Variants in ZMYND19 observed in about 807,000 individuals in gnomAD.
The protein encoded by ZMYND19 is zinc finger MYND domain-containing protein 19.
Under a neutral mutation model 32.0 loss-of-function variants are expected in ZMYND19, and 17 were observed. That is an observed-to-expected ratio of 0.53 (90% confidence interval 0.36 to 0.80). The LOEUF (loss-of-function observed/expected upper bound fraction) is 0.80, where lower values mean the gene tolerates loss of function less well. ZMYND19 is among the 30% of genes least tolerant of loss of function. The pLI, the probability that ZMYND19 is intolerant of heterozygous loss-of-function variation, is 0.00. For synonymous variants in ZMYND19, 124 were observed against 113.6 expected (o/e 1.09, Z -0.58); for missense variants, 250 against 293.6 (o/e 0.85, Z 1.09).
At chr9:137,587,690 G>A (rs777625596) in intron 3 of ZMYND19, 27 bp downstream of exon 3, 1 of 1,605,682 alleles carries the variant, frequency 6.2e-7, no homozygotes, top group East Asian at 2.2e-5. Context: ...CAGTGGCGGG[G>A]GGCAGAGACA....
At position 137,590,307 on chromosome 9, in the gene ZMYND19, G is replaced by C; in HGVS notation, c.-44C>G. On this transcript the variant is annotated 5_prime_UTR_variant, in exon 1 of 6. Coordinates refer to ENST00000298585, the MANE Select transcript of ZMYND19 (RefSeq NM_138462.3). This position sits in a 1 kb window ranked among gnomAD's most constrained non-coding sequence, Gnocchi z 4.2. ...GGCCGGCAGCGCCGCTCCCTCGGGA[G>C]GCGCCGAGCGGGGGCCGGGGCGAGG... is the stretch of plus-strand genomic sequence containing the variant. 2 of 1,029,092 alleles carry C rather than the reference G, an allele frequency of 1.9e-6. No homozygotes were observed. The highest frequency in any genetic ancestry group is 2.3e-6 in the Non-Finnish European group (2 of 859,218). The allele number at this position is 1,029,092 out of a possible 1,614,324, so 63.7% of individuals were successfully genotyped here.
intron 3 of ZMYND19, 26 bp downstream of exon 3, chr9:137,587,691 G>A: frequency 6.2e-7 from 1 of 1,607,308 alleles, no homozygotes; most frequent in Non-Finnish European, 8.5e-7. Flanking sequence ...AGTGGCGGGG[G>A]GCAGAGACAG....
Position 137,587,783 on chromosome 9 carries a change from A to C in ZMYND19, c.152T>G (p.Ile51Arg). The C allele has an allele frequency of 6.2e-7, 1 of 1,614,174 alleles. No individual in the cohort carries two copies. Among genetic ancestry groups the C allele is most frequent in the Non-Finnish European group, 8.5e-7 (1 of 1,180,030 alleles). Residue 51 changes from isoleucine (I) to arginine (R), a missense_variant, in exon 3 of 6, where the codon ATA becomes AGA. Coordinates refer to ENST00000298585, the MANE Select transcript of ZMYND19 (RefSeq NM_138462.3). Reference sequence around the variant, plus strand: ...GTTCTTGTCAAAGGCATAGGCAAATATCTTAGCACCATTTCCATCTGCATC... The same window carrying C: ...GTTCTTGTCAAAGGCATAGGCAAATCTCTTAGCACCATTTCCATCTGCATC... ...EVDADGNGAKIFAYAFDKNRG... is the reference protein window; with the variant it reads ...EVDADGNGAKRFAYAFDKNRG...
Position 137,582,619 on chromosome 9 carries a change from T to C in ZMYND19, c.608A>G (p.Lys203Arg), listed in dbSNP as rs1302698132. 9 of 1,613,602 alleles carry C rather than the reference T, an allele frequency of 5.6e-6. No individual in the cohort carries two copies. Among genetic ancestry groups the C allele is most frequent in the Non-Finnish European group, 7.6e-6 (9 of 1,180,024 alleles). ...GTGCTTCTTGTGGGCAGGCCAGTCC[T>C]TCTGCTGGCACTGGGAGCCGCAGTA... ...ARYCGSQCQQKDWPAHKKHCR... is the reference protein window; with the variant it reads ...ARYCGSQCQQRDWPAHKKHCR... The change falls in exon 6 of 6, where the codon AAG (lysine) becomes AGG (arginine). Residue 203 changes from lysine to arginine, a missense_variant. Lys to Arg is a conservative substitution (Grantham distance 26, BLOSUM62 2). Around this residue, in one of 2 missense-constraint regions of ZMYND19, gnomAD observed 38 missense variants for 74.9 expected, o/e 0.51. Coordinates refer to ENST00000298585, the MANE Select transcript of ZMYND19 (RefSeq NM_138462.3).
rs991640455 is a variant in ZMYND19, at chr9:137,584,831, T to A, written c.360-1668A>T. ...AGTGCTAGGTAGTGCCCATGCCGCC[T>A]CCCAGAGAGGAGCCGGGAGTGGGGG... On this transcript the variant is annotated intron_variant, in intron 4 of 5. Transcript: ENST00000298585. 3.9e-5 allele frequency among the ~76,000 whole-genome samples: 6 copies of A among 152,234 alleles called. No individual in the cohort carries two copies. In the South Asian group the frequency reaches 1.2e-3, roughly 32 times the overall value.
chr9:137,589,586 C>T (rs1842246285), intron 1 of ZMYND19: 1 of 985,440 alleles, frequency 1.0e-6, no homozygotes, highest in Non-Finnish European at 1.2e-6. Context: ...AAACGTGGAG[C>T]GTGGGGGCCA....
At chr9:137,585,161 G>A (rs1168811869) in intron 4 of ZMYND19, among the ~76,000 whole-genome samples, 1 of 151,532 alleles carries the variant, frequency 6.6e-6, no homozygotes, top group Non-Finnish European at 1.5e-5. Context: ...GGTGGCTCAC[G>A]CCTGTAATCC....
Position 137,590,144 on chromosome 9 carries a change from C to T in ZMYND19, c.51+69G>A. 1.0e-6 allele frequency: 1 copy of T among 985,438 alleles called. No individual in the cohort carries two copies. The highest frequency in any genetic ancestry group is 1.2e-6 in the Non-Finnish European group (1 of 831,832). The allele number at this position is 985,438 out of a possible 1,614,324, so 61.0% of individuals were successfully genotyped here. On this transcript the variant is annotated intron_variant, in intron 1 of 5. Transcript: ENST00000298585. This position sits in a 1 kb window ranked among gnomAD's most constrained non-coding sequence, Gnocchi z 4.2. Reference sequence around the variant, plus strand: ...CCCGCCCCGGCCGCCGCCCGCACAACCGCCCCCGGCCCCGCGCGGAGGCCT... The same window carrying T: ...CCCGCCCCGGCCGCCGCCCGCACAATCGCCCCCGGCCCCGCGCGGAGGCCT...
chr9:137,590,345 G>A lies in ZMYND19; in HGVS notation c.-82C>T. ...GGCCGGGGCGAGGCCGCGGCGCGCCGGGACAGGACGGGACCGGAGCCGGGG... is the reference window on the plus strand; with the variant it reads ...GGCCGGGGCGAGGCCGCGGCGCGCCAGGACAGGACGGGACCGGAGCCGGGG... On this transcript the variant is annotated 5_prime_UTR_variant, in exon 1 of 6. Coordinates refer to ENST00000298585, the MANE Select transcript of ZMYND19 (RefSeq NM_138462.3). The surrounding 1 kb of genome is among the most constrained non-coding windows in gnomAD (Gnocchi z 4.2). 6.9e-6 allele frequency: 6 copies of A among 872,076 alleles called. No homozygotes were observed. The highest frequency in any genetic ancestry group is 6.9e-6 in the Non-Finnish European group (5 of 725,010). The allele number at this position is 872,076 out of a possible 1,614,324, so 54.0% of individuals were successfully genotyped here. A position where few individuals can be genotyped will look rare whatever the true frequency, so the allele number is the denominator to read the frequency against.
rs1842260364 is a variant in ZMYND19 at position 137,590,413 on chromosome 9, G to A, written c.-150C>T. On this transcript the variant is annotated 5_prime_UTR_variant, in exon 1 of 6. Transcript: ENST00000298585. This position sits in a 1 kb window ranked among gnomAD's most constrained non-coding sequence, Gnocchi z 4.2. ...CGGGCTCCGGGCGGGACGAGGCTGG[G>A]CCGGGCTCGGGCCTCCGCCGCCGCC... The A allele has an allele frequency of 2.7e-6, 1 of 377,264 alleles. No individual in the cohort carries two copies. The highest frequency in any genetic ancestry group is 2.2e-5 in the African/African-American group (1 of 44,930). The allele number at this position is 377,264 out of a possible 1,614,324, so 23.4% of individuals were successfully genotyped here. A position where few individuals can be genotyped will look rare whatever the true frequency, so the allele number is the denominator to read the frequency against.
chr9:137,585,254 C>G (rs1054105402), intron 4 of ZMYND19, among the ~76,000 whole-genome samples: 3 of 151,660 alleles, frequency 2.0e-5, no homozygotes, highest in African/African-American at 7.3e-5. Context: ...AAAATCCCAC[C>G]TCTACTAAAA....
At chr9:137,586,945 G>T in intron 4 of ZMYND19, 22 bp downstream of exon 4, 1 of 1,610,730 alleles carries the variant, frequency 6.2e-7, no homozygotes. Flanking sequence ...TGCTGGCATC[G>T]CCAGGCCCTG....
intron 4 of ZMYND19, among the ~76,000 whole-genome samples, chr9:137,585,728 G>A (rs1842197065): frequency 6.6e-6 from 1 of 152,172 alleles, no homozygotes; most frequent in South Asian, 2.1e-4. Flanking sequence ...CAGTGTGTCA[G>A]GTGCTCCCAC....
At chr9:137,588,787 C>CTT in intron 1 of ZMYND19, 69 bp from the exon 2 acceptor site, 1 of 1,571,652 alleles carries the variant, frequency 6.4e-7, no homozygotes, top group South Asian at 1.1e-5. Flanking sequence ...ACCTTATAAC[C>CTT]AGAACAGGCA....
Position 137,590,124 on chromosome 9 carries a change from C to T in ZMYND19, c.51+89G>A, listed in dbSNP as rs1842255697. The T allele has an allele frequency of 1.0e-6, 1 of 983,520 alleles. No individual in the cohort carries two copies. The highest frequency in any genetic ancestry group is 1.2e-6 in the Non-Finnish European group (1 of 829,592). 60.9% of individuals were successfully genotyped at this position (983,520 alleles called of 1,614,324 possible). ...CCCATCCCGGGCTCCGCGCCCCCGCCCCGGCCGCCGCCCGCACAACCGCCC... is the reference window on the plus strand; with the variant it reads ...CCCATCCCGGGCTCCGCGCCCCCGCTCCGGCCGCCGCCCGCACAACCGCCC... On this transcript the variant is annotated intron_variant, in intron 1 of 5. Transcript: ENST00000298585. This position sits in a 1 kb window ranked among gnomAD's most constrained non-coding sequence, Gnocchi z 4.2.
Position 137,590,004 on chromosome 9 carries a change from A to G in ZMYND19, c.51+209T>C. The G allele has an allele frequency of 1.0e-6, 1 of 985,078 alleles. No individual in the cohort carries two copies. The highest frequency in any genetic ancestry group is 1.7e-5 in the African/African-American group (1 of 57,276). 61.0% of individuals were successfully genotyped at this position (985,078 alleles called of 1,614,324 possible). ...CCGAGGGTGGCCAGGTGCACCCCAG[A>G]GCCGAGGGGTGCGTGCCCGCCGGCC... On this transcript the variant is annotated intron_variant, in intron 1 of 5. Transcript: ENST00000298585. The surrounding 1 kb of genome is among the most constrained non-coding windows in gnomAD (Gnocchi z 4.2).
chr9:137,586,346 G>A (rs904591348), intron 4 of ZMYND19, among the ~76,000 whole-genome samples: 4 of 150,160 alleles, frequency 2.7e-5, no homozygotes, highest in African/African-American at 9.8e-5. Context: ...ATCCTGAGGT[G>A]AGCAGAGAAG....
rs1842160021 is a variant in ZMYND19, at chr9:137,582,630, C to G, written c.597G>C (p.Gln199His). ...RCQVARYCGS[Q>H]CQQKDWPAHK... ...GGGCAGGCCAGTCCTTCTGCTGGCA[C>G]TGGGAGCCGCAGTACCGGGCCACCT... Residue 199 changes from glutamine to histidine, a missense_variant, in exon 6 of 6, where the codon CAG (glutamine) becomes CAC (histidine). By Grantham distance (24) the Gln-to-His change is conservative. Transcript: ENST00000298585. The G allele has an allele frequency of 6.2e-7, 1 of 1,613,416 alleles. No homozygotes were observed.
chr9:137,586,488 G>A (rs1415603526), intron 4 of ZMYND19, among the ~76,000 whole-genome samples: 3 of 146,128 alleles, frequency 2.1e-5, no homozygotes, highest in African/African-American at 7.7e-5. Context: ...GGTGAGAGAA[G>A]GAAGGAATCC....
Sources: gnomAD v4.1 joint callset for allele counts (sites outside exome capture counted in the v4.1 genomes callset) on GRCh38, gnomAD v4.1.1 for gene constraint, gnomAD v4.1.1 regional missense constraint, Gnocchi (gnomAD v3.1) non-coding constraint, MANE v1.5 for transcripts, NCBI Gene and HGNC (gene_info 2026-07-23, HGNC 2026-07-21) for gene names.